Variants in BAALC observed in about 807,000 individuals in gnomAD.
The protein encoded by BAALC is brain and acute leukemia cytoplasmic protein.
BAALC carries 9 observed loss-of-function variants against 15.5 expected under a neutral mutation model. That is an observed-to-expected ratio of 0.58 (90% CI 0.35 to 1.02). BAALC has a LOEUF of 1.02. BAALC is among the 50% of genes least tolerant of loss of function. BAALC has a pLI of 0.02. For synonymous variants in BAALC, 80 were observed against 74.6 expected, an observed-to-expected ratio of 1.07 and a Z score of -0.37; for missense variants, 201 against 192.4, an observed-to-expected ratio of 1.04 and a Z score of -0.27.
At chr8:103,163,759 C>T (rs899358674) in intron 1 of BAALC, among the ~76,000 whole-genome samples, 1 of 152,168 alleles carries the variant, frequency 6.6e-6, no homozygotes, top group African/African-American at 2.4e-5. Context: ...CAGTCATTCC[C>T]TTCCTCCCCT....
At chr8:103,151,758 T>TA (rs34866368) in intron 1 of BAALC, among the ~76,000 whole-genome samples, 106,635 of 149,678 alleles carry the variant, frequency 0.71, 39,403 homozygotes, top group African/African-American at 0.91. Context: ...CCTCTGAATA[T>TA]AAAAAAAAAA....
intron 1 of BAALC, among the ~76,000 whole-genome samples, chr8:103,153,797 A>T (rs61274078): frequency 0.11 from 16,418 of 152,206 alleles, 1,339 homozygotes; most frequent in East Asian, 0.42. Flanking sequence ...GAAGTTCAAA[A>T]AACCCAACCT....
At chr8:103,207,333 A>G (rs1340237494) in intron 1 of BAALC, among the ~76,000 whole-genome samples, 1 of 152,222 alleles carries the variant, frequency 6.6e-6, no homozygotes, top group Non-Finnish European at 1.5e-5. Context: ...CTAAATCTCA[A>G]AGAAGTGGCT....
intron 2 of BAALC, among the ~76,000 whole-genome samples, chr8:103,216,290 T>C (rs749470811): frequency 4.5e-4 from 68 of 152,318 alleles, no homozygotes; most frequent in South Asian, 2.1e-4. Context: ...AGTGGAATTG[T>C]TGGGTCACAG....
intron 1 of BAALC, among the ~76,000 whole-genome samples, chr8:103,175,409 TATC>T (rs895188911): frequency 3.9e-5 from 6 of 152,286 alleles, no homozygotes; most frequent in African/African-American, 4.8e-5. Flanking sequence ...AGAACTGTTT[TATC>T]ATCATTTCTG....
intron 1 of BAALC, among the ~76,000 whole-genome samples, chr8:103,185,334 A>T (rs772465307): frequency 6.6e-6 from 1 of 151,778 alleles, no homozygotes; most frequent in Admixed American, 6.6e-5. Context: ...GGGCCCATAA[A>T]ATTCTTCAAA....
chr8:103,185,269 A>G (rs1398804250), intron 1 of BAALC, among the ~76,000 whole-genome samples: 1 of 151,962 alleles, frequency 6.6e-6, no homozygotes, highest in African/African-American at 2.4e-5. Flanking sequence ...CCCGACTCCC[A>G]TCACGGCCCC....
chr8:103,144,403 T>C (rs1408155879), intron 1 of BAALC, among the ~76,000 whole-genome samples: 1 of 152,228 alleles, frequency 6.6e-6, no homozygotes, highest in Non-Finnish European at 1.5e-5. Context: ...GTATGTGATA[T>C]CCATTGCTTT....
chr8:103,213,190 G>A, intron 2 of BAALC, 105 bp downstream of exon 2: 1 of 1,255,532 alleles, frequency 8.0e-7, no homozygotes. Flanking sequence ...ACCAGGGATG[G>A]CTCATCTTGG....
chr8:103,226,812 A>G (rs1812816292), intron 2 of BAALC, among the ~76,000 whole-genome samples: 2 of 152,188 alleles, frequency 1.3e-5, no homozygotes, highest in Non-Finnish European at 2.9e-5. Flanking sequence ...AGTACCTTAC[A>G]TGCATTACCT....
intron 1 of BAALC, among the ~76,000 whole-genome samples, chr8:103,186,855 T>A (rs1433988790): frequency 6.6e-6 from 1 of 152,222 alleles, no homozygotes; most frequent in African/African-American, 2.4e-5. Context: ...TATGCAATTT[T>A]CCAAGTTTAA....
At chr8:103,224,926 T>A (rs1008222416) in intron 2 of BAALC, among the ~76,000 whole-genome samples, 1 of 152,120 alleles carries the variant, frequency 6.6e-6, no homozygotes, top group Non-Finnish European at 1.5e-5. Context: ...ACCCCTTAGA[T>A]AGGAGTTGGG....
intron 1 of BAALC, among the ~76,000 whole-genome samples, chr8:103,145,869 A>T (rs1810868161): frequency 6.6e-6 from 1 of 152,166 alleles, no homozygotes; most frequent in Admixed American, 6.5e-5. Flanking sequence ...CAAATAAGGA[A>T]TTTTTGCATT....
At chr8:103,205,571 T>A (rs1812309937) in intron 1 of BAALC, among the ~76,000 whole-genome samples, 1 of 152,112 alleles carries the variant, frequency 6.6e-6, no homozygotes, top group Admixed American at 6.5e-5. Context: ...TATATATCTA[T>A]AATATAGATG....
At chr8:103,199,990 G>T (rs1292589959) in intron 1 of BAALC, among the ~76,000 whole-genome samples, 30 of 152,006 alleles carry the variant, frequency 2.0e-4, no homozygotes, top group Non-Finnish European at 7.4e-5. Flanking sequence ...ACATGATCTT[G>T]TTCTTTTTTA....
intron 1 of BAALC, among the ~76,000 whole-genome samples, chr8:103,193,575 A>G (rs1812023315): frequency 6.6e-6 from 1 of 152,192 alleles, no homozygotes; most frequent in Non-Finnish European, 1.5e-5. Context: ...GATGGGAGCA[A>G]ATAGATGGGA....
intron 1 of BAALC, among the ~76,000 whole-genome samples, chr8:103,204,645 T>C (rs1466393478): frequency 6.6e-6 from 1 of 152,228 alleles, no homozygotes; most frequent in Non-Finnish European, 1.5e-5. Flanking sequence ...AGATATTCAG[T>C]TGTCATAGCA....
At chr8:103,185,659 C>T (rs948914753) in intron 1 of BAALC, among the ~76,000 whole-genome samples, 5 of 152,334 alleles carry the variant, frequency 3.3e-5, no homozygotes, top group East Asian at 1.9e-4. Flanking sequence ...CCTCACTGAG[C>T]GATCTGGGGA....
At chr8:103,159,952 T>C (rs1811185001) in intron 1 of BAALC, among the ~76,000 whole-genome samples, 1 of 152,226 alleles carries the variant, frequency 6.6e-6, no homozygotes, top group Admixed American at 6.5e-5. Flanking sequence ...TAGAAACTAT[T>C]TTTAAAGAGA....
Sources: gnomAD v4.1 joint callset for allele counts (sites outside exome capture counted in the v4.1 genomes callset) on GRCh38, gnomAD v4.1.1 for gene constraint, MANE v1.5 for transcripts, NCBI Gene and HGNC (gene_info 2026-07-23, HGNC 2026-07-21) for gene names.